BANK1: variants seen among roughly 807,000 people sequenced by gnomAD.
BANK1 encodes the protein B-cell scaffold protein with ankyrin repeats.
Under a neutral mutation model 94.5 loss-of-function variants are expected in BANK1, and 95 were observed. The ratio of observed to expected loss-of-function variants is 1.00; its 90% CI spans 0.85 to 1.19. The LOEUF is 1.19. BANK1 is among the 50% of genes most tolerant of loss of function. BANK1 has a pLI of 0.00. For missense variants in BANK1, 987 were observed against 932.2 expected, an observed-to-expected ratio of 1.06 and a Z score of -0.77; for synonymous variants, 334 against 308.4, an observed-to-expected ratio of 1.08 and a Z score of -0.87.
chr4:102,066,827 T>C (rs1728611350), intron 13 of BANK1, among the ~76,000 whole-genome samples: 1 of 152,164 alleles, frequency 6.6e-6, no homozygotes, highest in Non-Finnish European at 1.5e-5. Flanking sequence ...TCTCATAAAT[T>C]ACTTCAAAGA....
chr4:102,033,113 G>T (rs1347274016), intron 10 of BANK1, among the ~76,000 whole-genome samples: 1 of 152,252 alleles, frequency 6.6e-6, no homozygotes, highest in South Asian at 2.1e-4. Flanking sequence ...TTCCCAGCAT[G>T]CTGAGATTAG....
At chr4:101,888,185 C>T (rs1728924259) in intron 5 of BANK1, among the ~76,000 whole-genome samples, 2 of 152,194 alleles carry the variant, frequency 1.3e-5, no homozygotes, top group African/African-American at 4.8e-5. Context: ...CAACCGTTGA[C>T]TTTCCTTTTA....
intron 5 of BANK1, among the ~76,000 whole-genome samples, chr4:101,878,433 A>G (rs1049366241): frequency 7.9e-5 from 12 of 152,186 alleles, no homozygotes; most frequent in Admixed American, 1.3e-4. Context: ...TATTTACCCA[A>G]CACTGGAGCA....
chr4:101,847,940 T>A, intron 2 of BANK1, among the ~76,000 whole-genome samples: 1 of 152,026 alleles, frequency 6.6e-6, no homozygotes, highest in Admixed American at 6.6e-5. Context: ...CCCTGTGGAG[T>A]TTTACCCCCT....
rs1722366780 is a variant in BANK1, at chr4:101,904,042, G to A, written c.1009+8632G>A. Among the ~76,000 whole-genome samples the A allele has an allele frequency of 2.0e-5, 3 of 152,202 alleles. 1 individual carries two copies. Among genetic ancestry groups the A allele is most frequent in the Admixed American group, 6.5e-5 (1 of 15,288 alleles). On this transcript the variant is annotated intron_variant, in intron 6 of 16. Transcript: ENST00000322953. ...CAATTGCTTGCCCCACAAACGTCTG[G>A]AAAATTATGGGACTGTTTAACATGC...
intron 1 of BANK1, among the ~76,000 whole-genome samples, chr4:101,826,684 C>T (rs1009508022): frequency 2.6e-5 from 4 of 151,938 alleles, no homozygotes; most frequent in Non-Finnish European, 5.9e-5. Context: ...CTACTATACA[C>T]AGAATAACAG....
At chr4:102,046,708 A>T (rs1164092034) in intron 11 of BANK1, among the ~76,000 whole-genome samples, 1 of 152,198 alleles carries the variant, frequency 6.6e-6, no homozygotes, top group Non-Finnish European at 1.5e-5. Context: ...GAAGAGCTGA[A>T]AACTGTAGCC....
At chr4:101,861,718 T>A (rs1363000840) in intron 3 of BANK1, among the ~76,000 whole-genome samples, 1 of 151,978 alleles carries the variant, frequency 6.6e-6, no homozygotes. Context: ...TGTGTTTATC[T>A]GTTTCAGTTA....
chr4:101,944,250 A>C (rs886336000), intron 7 of BANK1, among the ~76,000 whole-genome samples: 1 of 151,886 alleles, frequency 6.6e-6, no homozygotes, highest in Non-Finnish European at 1.5e-5. Flanking sequence ...CAGGAAACTC[A>C]CCATTTACAA....
At chr4:101,859,343 A>G (rs948740798) in intron 3 of BANK1, among the ~76,000 whole-genome samples, 1 of 152,212 alleles carries the variant, frequency 6.6e-6, no homozygotes, top group Non-Finnish European at 1.5e-5. Context: ...GTTTTCATAC[A>G]CACAAAATAA....
chr4:101,961,616 G>A lies in BANK1; in HGVS notation c.1206+43427G>A, dbSNP rs1045868426. On this transcript the variant is annotated intron_variant, in intron 7 of 16. Transcript: ENST00000322953. ...ACTGTCAAACTATTATTTTTTAGTC[G>A]TTTATTTTAAGGCAATTCTACAGCA... 7.9e-5 allele frequency among the ~76,000 whole-genome samples: 12 copies of A among 152,116 alleles called. No individual in the cohort carries two copies. In the East Asian group the frequency reaches 9.7e-4, roughly 12 times the overall value.
At chr4:101,812,793 A>G (rs1041932718) in intron 1 of BANK1, among the ~76,000 whole-genome samples, 3 of 152,056 alleles carry the variant, frequency 2.0e-5, no homozygotes, top group African/African-American at 7.2e-5. Flanking sequence ...CCAATGCTTC[A>G]TTATTTCAGT....
chr4:101,977,920 A>G (rs1434312143), intron 7 of BANK1, among the ~76,000 whole-genome samples: 1 of 151,670 alleles, frequency 6.6e-6, no homozygotes, highest in Non-Finnish European at 1.5e-5. Flanking sequence ...AATGAAAATT[A>G]GTATTAAATG....
intron 6 of BANK1, among the ~76,000 whole-genome samples, chr4:101,902,641 A>G (rs1722322616): frequency 6.6e-6 from 1 of 152,234 alleles, no homozygotes; most frequent in Admixed American, 6.5e-5. Flanking sequence ...GTCCATTTAT[A>G]TACTTTTTTA....
chr4:102,057,582 C>A (rs1476697445), intron 11 of BANK1, among the ~76,000 whole-genome samples: 1 of 152,090 alleles, frequency 6.6e-6, no homozygotes, highest in African/African-American at 2.4e-5. Context: ...CCACCTGCAT[C>A]GGCCTCCCAA....
intron 9 of BANK1, 129 bp downstream of exon 9, chr4:102,025,638 C>A: frequency 1.2e-6 from 1 of 852,364 alleles, no homozygotes; most frequent in Non-Finnish European, 1.8e-6. Context: ...AACATTCTTC[C>A]TATTCTTTAA....
chr4:102,049,445 C>T (rs778855347), intron 11 of BANK1, among the ~76,000 whole-genome samples: 6 of 152,138 alleles, frequency 3.9e-5, no homozygotes, highest in Admixed American at 1.3e-4. Context: ...GGATATGACA[C>T]GTGGCAACTG....
At chr4:102,012,071 C>T (rs1363300455) in intron 7 of BANK1, among the ~76,000 whole-genome samples, 1 of 152,018 alleles carries the variant, frequency 6.6e-6, no homozygotes, top group East Asian at 1.9e-4. Context: ...AAATGAGATA[C>T]TTCTCTGCTT....
At chr4:102,032,989 C>T (rs1404408027) in intron 10 of BANK1, among the ~76,000 whole-genome samples, 1 of 151,928 alleles carries the variant, frequency 6.6e-6, no homozygotes, top group Non-Finnish European at 1.5e-5. Context: ...AGTAGGTAAC[C>T]AGCTTTTTCA....
Sources: allele counts gnomAD v4.1 joint callset (sites outside exome capture counted in the v4.1 genomes callset), GRCh38; gene constraint gnomAD v4.1.1; transcripts MANE v1.5; gene names NCBI Gene and HGNC (gene_info 2026-07-23, HGNC 2026-07-21).